Variants in FOXP2 observed in about 807,000 individuals in gnomAD.
The protein encoded by FOXP2 is forkhead box protein P2.
A neutral mutation model predicts 115.8 loss-of-function variants in FOXP2; 12 were observed. The ratio of observed to expected loss-of-function variants is 0.10; its 90% CI spans 0.07 to 0.17. The LOEUF is 0.17. Ranked by LOEUF, FOXP2 falls within the 10% of genes least tolerant of loss-of-function variation. FOXP2 has a pLI of 1.00. For missense variants in FOXP2, 629 were observed against 843.5 expected, an observed-to-expected ratio of 0.75 and a Z score of 3.15; for synonymous variants, 328 against 297.7, an observed-to-expected ratio of 1.10 and a Z score of -1.05.
intron 1 of FOXP2, among the ~76,000 whole-genome samples, chr7:114,266,707 G>A (rs1029762130): frequency 3.3e-5 from 5 of 152,114 alleles, no homozygotes; most frequent in Admixed American, 6.6e-5. Flanking sequence ...ACTATAACAG[G>A]AGGATTACTG....
chr7:114,465,243 G>A (rs1001947292), intron 2 of FOXP2, among the ~76,000 whole-genome samples: 16 of 152,104 alleles, frequency 1.1e-4, no homozygotes, highest in African/African-American at 3.6e-4. Context: ...GGGATTACAG[G>A]CATGAGCCAC....
At chr7:114,667,721 A>ACCATAT (rs1563069773) in intron 16 of FOXP2, 4 of 152,340 alleles carry the variant, frequency 2.6e-5, no homozygotes, top group South Asian at 2.1e-4. Flanking sequence ...TGTTTCAGTC[A>ACCATAT]GTATACAGCT....
chr7:114,093,105 T>C (rs1799575927), intron 1 of FOXP2, among the ~76,000 whole-genome samples: 1 of 152,174 alleles, frequency 6.6e-6, no homozygotes, highest in Non-Finnish European at 1.5e-5. Context: ...TTCTTATGTC[T>C]CTCAGAATAA....
At chr7:114,362,316 T>C (rs904148370) in intron 2 of FOXP2, among the ~76,000 whole-genome samples, 2 of 152,120 alleles carry the variant, frequency 1.3e-5, no homozygotes, top group Non-Finnish European at 2.9e-5. Context: ...AGGACAAATG[T>C]TGTGATACTC....
intron 3 of FOXP2, among the ~76,000 whole-genome samples, chr7:114,613,563 T>C (rs978178095): frequency 3.3e-5 from 5 of 151,526 alleles, no homozygotes; most frequent in Non-Finnish European, 7.4e-5. Flanking sequence ...TAGTCCCAGC[T>C]ACTCGGGAGG....
chr7:114,428,326 G>C (rs951412779), intron 2 of FOXP2, among the ~76,000 whole-genome samples: 22 of 151,506 alleles, frequency 1.5e-4, no homozygotes, highest in Non-Finnish European at 3.0e-4. Flanking sequence ...TAAAATCATA[G>C]CTATAGATTT....
intron 16 of FOXP2, among the ~76,000 whole-genome samples, chr7:114,673,633 A>G (rs1178212414): frequency 1.3e-5 from 2 of 152,206 alleles, no homozygotes; most frequent in Non-Finnish European, 2.9e-5. Context: ...ATACATATAT[A>G]TGCATGCAGT....
At chr7:114,523,612 T>G (rs1798726603) in intron 2 of FOXP2, among the ~76,000 whole-genome samples, 1 of 152,212 alleles carries the variant, frequency 6.6e-6, no homozygotes, top group Non-Finnish European at 1.5e-5. Flanking sequence ...TTTTCTCTTC[T>G]GTGCCTCCAA....
intron 2 of FOXP2, among the ~76,000 whole-genome samples, chr7:114,360,821 A>G (rs1791728286): frequency 6.6e-6 from 1 of 152,200 alleles, no homozygotes; most frequent in Non-Finnish European, 1.5e-5. Context: ...CAATTATCCA[A>G]ACTAATAAAG....
At chr7:114,476,376 G>A (rs1796261776) in intron 2 of FOXP2, among the ~76,000 whole-genome samples, 1 of 151,876 alleles carries the variant, frequency 6.6e-6, no homozygotes, top group Non-Finnish European at 1.5e-5. Context: ...ATTGAATAGG[G>A]AGTTCTTTTC....
chr7:114,092,541 T>C (rs1050362625), intron 1 of FOXP2, among the ~76,000 whole-genome samples: 1 of 152,118 alleles, frequency 6.6e-6, no homozygotes, highest in African/African-American at 2.4e-5. Flanking sequence ...AAAAAAACTT[T>C]CTTAAAATGT....
At chr7:114,635,111 TA>T (rs1805146854) in intron 6 of FOXP2, among the ~76,000 whole-genome samples, 1 of 152,180 alleles carries the variant, frequency 6.6e-6, no homozygotes, top group Admixed American at 6.5e-5. Context: ...GAATAATAAT[TA>T]AAAATGAAAT....
chr7:114,588,545 G>T (rs1037540901), intron 3 of FOXP2, among the ~76,000 whole-genome samples: 1 of 152,248 alleles, frequency 6.6e-6, no homozygotes, highest in African/African-American at 2.4e-5. Flanking sequence ...TCTTCTTTAT[G>T]ATACTGCTTT....
chr7:114,127,815 C>A (rs117352421), intron 1 of FOXP2, among the ~76,000 whole-genome samples: 1 of 152,254 alleles, frequency 6.6e-6, no homozygotes, highest in East Asian at 1.9e-4. Context: ...CAGCTTCTTC[C>A]ACTTTTCCTT....
intron 1 of FOXP2, among the ~76,000 whole-genome samples, chr7:114,212,733 T>C (rs1028304264): frequency 6.6e-6 from 1 of 152,118 alleles, no homozygotes; most frequent in Non-Finnish European, 1.5e-5. Flanking sequence ...ATGGCATAAA[T>C]TAAGAATAGA....
chr7:114,214,858 A>G (rs958091821), intron 1 of FOXP2, among the ~76,000 whole-genome samples: 1 of 152,204 alleles, frequency 6.6e-6, no homozygotes, highest in Non-Finnish European at 1.5e-5. Context: ...CATCTATTCT[A>G]TGATGATATC....
intron 1 of FOXP2, among the ~76,000 whole-genome samples, chr7:114,174,997 T>A (rs926240456): frequency 5.3e-5 from 8 of 152,062 alleles, no homozygotes; most frequent in African/African-American, 1.9e-4. Flanking sequence ...CTACCTCAAA[T>A]CTTAACTAAT....
intron 3 of FOXP2, among the ~76,000 whole-genome samples, chr7:114,580,132 A>G (rs1307013235): frequency 1.3e-5 from 2 of 152,230 alleles, no homozygotes; most frequent in Non-Finnish European, 2.9e-5. Flanking sequence ...TAACTAGACC[A>G]TCCTACTTAA....
At chr7:114,409,967 C>T (rs544194319), upstream of FOXP2, among the ~76,000 whole-genome samples, 4 of 152,158 alleles carry the variant, frequency 2.6e-5, no homozygotes, top group African/African-American at 7.2e-5. Flanking sequence ...GAACCACATG[C>T]CTGCCTTGGG....
Sources: gnomAD v4.1 joint callset for allele counts (sites outside exome capture counted in the v4.1 genomes callset) on GRCh38, gnomAD v4.1.1 for gene constraint, MANE v1.5 for transcripts, NCBI Gene and HGNC (gene_info 2026-07-23, HGNC 2026-07-21) for gene names.